The following SLC35G1 variants were observed in gnomAD, a reference collection of about 807,000 sequenced individuals.
SLC35G1 encodes solute carrier family 35 member G1.
In SLC35G1, 10 loss-of-function variants were observed where a neutral mutation model predicts 17.1. That is an observed-to-expected ratio of 0.59 (90% CI 0.36 to 0.99). The LOEUF is 0.99. Ranked by LOEUF, SLC35G1 falls within the 50% of genes least tolerant of loss-of-function variation. SLC35G1 has a pLI of 0.01. For missense variants in SLC35G1, 433 were observed against 468.4 expected (o/e 0.92, Z 0.70); for synonymous variants, 185 against 181.1 (o/e 1.02, Z -0.18).
At chr10:93,896,160 TA>T (rs1484759391) in intron 1 of SLC35G1, among the ~76,000 whole-genome samples, 1 of 152,050 alleles carries the variant, frequency 6.6e-6, no homozygotes, top group Non-Finnish European at 1.5e-5. Context: ...CCGACTAATT[TA>T]AAAATATTTT....
At position 93,901,992 on chromosome 10, in the gene SLC35G1, G is replaced by A. The variant is rs944581556; in HGVS notation, c.*502G>A. 6.6e-6 allele frequency: 1 copy of A among 152,582 alleles called. No homozygotes were observed. The highest frequency in any genetic ancestry group is 1.9e-4 in the East Asian group (1 of 5,192). The allele number at this position is 152,582 out of a possible 1,614,324, so 9.5% of individuals were successfully genotyped here. On this transcript the variant is annotated 3_prime_UTR_variant, in exon 3 of 3. Coordinates refer to ENST00000427197, the MANE Select transcript of SLC35G1 (RefSeq NM_001134658.3). ...TTCATTTGCAACCTTATTCTATTTA[G>A]GAGGATGAAGTTGAAGCTTAGAATA...
At chr10:93,898,463 A>G (rs2060352073) in intron 1 of SLC35G1, 108 bp from the exon 2 acceptor site, 3 of 1,032,868 alleles carry the variant, frequency 2.9e-6, no homozygotes, top group Admixed American at 4.9e-5. Flanking sequence ...TTAGGAGGTA[A>G]TAAAGCCTGT....
chr10:93,894,738 G>T (rs536623679), intron 1 of SLC35G1, among the ~76,000 whole-genome samples: 181 of 152,258 alleles, frequency 1.2e-3, no homozygotes, highest in Non-Finnish European at 2.1e-3. Context: ...GGGATACAAG[G>T]ACTTTTTAGC....
intron 1 of SLC35G1, among the ~76,000 whole-genome samples, chr10:93,895,207 C>T (rs2060318198): frequency 6.6e-6 from 1 of 152,174 alleles, no homozygotes; most frequent in African/African-American, 2.4e-5. Context: ...CTGCGCTTTC[C>T]CCTCCTCCCT....
At chr10:93,906,924 A>G (rs553937737), downstream of SLC35G1, among the ~76,000 whole-genome samples, 3 of 152,310 alleles carry the variant, frequency 2.0e-5, no homozygotes, top group Admixed American at 6.5e-5. Context: ...GCTATTAGAC[A>G]TGAAATTGCA....
At chr10:93,906,275 G>C (rs2060428276), downstream of SLC35G1, 1 of 152,162 alleles carries the variant, frequency 6.6e-6, no homozygotes, top group South Asian at 2.1e-4. Flanking sequence ...AGGAAGCCTG[G>C]GCTACATGGA....
downstream of SLC35G1, among the ~76,000 whole-genome samples, chr10:93,904,553 C>A (rs2060416678): frequency 6.6e-6 from 1 of 152,214 alleles, no homozygotes; most frequent in Non-Finnish European, 1.5e-5. Flanking sequence ...TATTTACCCT[C>A]TAAGGCCTGT....
At chr10:93,894,334 G>T in intron 1 of SLC35G1, 123 bp downstream of exon 1, 1 of 999,664 alleles carries the variant, frequency 1.0e-6, no homozygotes, top group Non-Finnish European at 1.3e-6. Flanking sequence ...CCCTGCCCGG[G>T]GCTCGGGAAA....
At chr10:93,894,390 GC>G (rs1259724722) in intron 1 of SLC35G1, among the ~76,000 whole-genome samples, 179 bp downstream of exon 1, 1 of 152,088 alleles carries the variant, frequency 6.6e-6, no homozygotes, top group East Asian at 1.9e-4. Context: ...AATTCCCGGC[GC>G]CCCAGCCGGC....
Position 93,901,351 on chromosome 10 carries a change from T to C in SLC35G1, c.959T>C (p.Met320Thr), listed in dbSNP as rs749583978. Residue 320 changes from methionine to threonine, a missense_variant, in exon 3 of 3, where the codon ATG (methionine) becomes ACG (threonine). Met to Thr is a moderately conservative substitution (Grantham distance 81). Coordinates refer to ENST00000427197, the MANE Select transcript of SLC35G1 (RefSeq NM_001134658.3). ...KAGPVAIMKT[M>T]DVVFAFIFQI... is the part of the protein sequence containing the mutation. The stretch of plus-strand genomic sequence containing the variant: ...GGGCCAGTAGCAATAATGAAGACAA[T>C]GGATGTGGTCTTTGCTTTTATCTTT... 1 of 1,614,040 alleles carries C rather than the reference T, an allele frequency of 6.2e-7. No individual in the cohort carries two copies. Among genetic ancestry groups the C allele is most frequent in the South Asian group, 1.1e-5 (1 of 91,080 alleles).
intron 1 of SLC35G1, among the ~76,000 whole-genome samples, chr10:93,897,714 A>G (rs749322583): frequency 2.6e-5 from 4 of 152,236 alleles, no homozygotes; most frequent in Non-Finnish European, 5.9e-5. Flanking sequence ...ATTGTCATTA[A>G]TGACTGAATA....
At chr10:93,905,452 ACCT>A (rs1303461430), downstream of SLC35G1, among the ~76,000 whole-genome samples, 14 of 152,246 alleles carry the variant, frequency 9.2e-5, no homozygotes, top group African/African-American at 2.9e-4. Flanking sequence ...CTGCAAGATA[ACCT>A]ATCAGGGACT....
At chr10:93,897,768 G>A (rs1157669390) in intron 1 of SLC35G1, among the ~76,000 whole-genome samples, 1 of 152,236 alleles carries the variant, frequency 6.6e-6, no homozygotes, top group East Asian at 1.9e-4. Context: ...TTCAGATCGA[G>A]CCAAGAGTAG....
intron 1 of SLC35G1, among the ~76,000 whole-genome samples, chr10:93,895,225 C>CT (rs1351228259): frequency 1.3e-5 from 2 of 152,326 alleles, no homozygotes; most frequent in African/African-American, 2.4e-5. Context: ...CCTTTGTGCA[C>CT]TTTCCCCAAG....
chr10:93,905,800 A>G (rs115821237), downstream of SLC35G1, among the ~76,000 whole-genome samples: 1,862 of 152,300 alleles, frequency 0.012, 37 homozygotes, highest in African/African-American at 0.043. Flanking sequence ...CAAAGGAAGT[A>G]ACCTAGATTC....
intron 1 of SLC35G1, among the ~76,000 whole-genome samples, chr10:93,897,856 G>A (rs1217715078): frequency 6.6e-6 from 1 of 152,244 alleles, no homozygotes. Flanking sequence ...TGAGGAGTTT[G>A]TGCTCTGAAT....
chr10:93,907,650 G>T (rs2060437036), downstream of SLC35G1: 1 of 152,166 alleles, frequency 6.6e-6, no homozygotes, highest in South Asian at 2.1e-4. Context: ...TAAAAAGAGG[G>T]TAAACAGAAT....
At chr10:93,895,567 G>A (rs1399560204) in intron 1 of SLC35G1, among the ~76,000 whole-genome samples, 2 of 152,192 alleles carry the variant, frequency 1.3e-5, no homozygotes, top group Non-Finnish European at 2.9e-5. Context: ...TCTTGTGGGT[G>A]TTTAACTTCA....
At chr10:93,894,289 A>G (rs1291106572) in intron 1 of SLC35G1, 78 bp downstream of exon 1, 10 of 1,265,206 alleles carry the variant, frequency 7.9e-6, no homozygotes, top group East Asian at 3.2e-5. Context: ...GGTCCCCGCA[A>G]CCCGGGCACA....
Sources: gnomAD v4.1 joint callset for allele counts (sites outside exome capture counted in the v4.1 genomes callset) on GRCh38, gnomAD v4.1.1 for gene constraint, MANE v1.5 for transcripts, NCBI Gene and HGNC (gene_info 2026-07-23, HGNC 2026-07-21) for gene names.